Variants in RHOU observed in about 807,000 individuals in gnomAD.
RHOU encodes the protein rho-related GTP-binding protein RhoU.
RHOU carries 8 observed loss-of-function variants against 12.6 expected under a neutral mutation model. That is an observed-to-expected ratio of 0.64 (90% CI 0.37 to 1.15). The LOEUF (loss-of-function observed/expected upper bound fraction) is 1.15. Among genes scored for constraint, RHOU ranks in the 50% most tolerant of loss-of-function variants. The pLI is 0.01. For synonymous variants in RHOU, 161 were observed against 147.4 expected (o/e 1.09, Z -0.67); for missense variants, 258 against 347.0 (o/e 0.74, Z 2.04).
At chr1:228,729,425 G>C in the RHOU span, among the ~76,000 whole-genome samples, 16 of 152,010 alleles carry the variant, frequency 1.1e-4, no homozygotes, top group African/African-American at 3.6e-4. Flanking sequence ...GCCATTATAC[G>C]CATTTGTTCA....
In RHOU at chr1:228,743,674, C is replaced by T. The variant is rs1290117517; in HGVS notation, c.711C>T (p.Ser237=). 6.2e-7 allele frequency: 1 copy of T among 1,614,078 alleles called. No individual in the cohort carries two copies. The highest frequency in any genetic ancestry group is 1.1e-5 in the South Asian group (1 of 91,080). The part of the protein sequence containing the change: ...DTQQQPKKSK[S]RTPDKMKNLS... ...AGCAACAGCCAAAGAAGTCTAAAAG[C>T]AGGACTCCAGATAAAATGAAAAACC... The change falls in exon 3 of 3, where the codon AGC becomes AGT. Residue 237 remains serine (S), a synonymous_variant. Coordinates refer to ENST00000366691, the MANE Select transcript of RHOU (RefSeq NM_021205.6). The surrounding 1 kb of genome is among the most constrained non-coding windows in gnomAD (Gnocchi z 5.1).
chr1:228,743,333 T>G lies in RHOU; in HGVS notation c.370T>G (p.Phe124Val). 3.1e-6 allele frequency: 5 copies of G among 1,614,220 alleles called. No individual in the cohort carries two copies. Among genetic ancestry groups the G allele is most frequent in the Non-Finnish European group, 4.2e-6 (5 of 1,180,040 alleles). ...RPLCYTNTDI[F>V]LLCFSVVSPS... ...TCTCTGCTACACCAACACAGACATC[T>G]TCCTGCTCTGCTTCAGTGTCGTGAG... is the stretch of plus-strand genomic sequence containing the variant. The change falls in exon 3 of 3, where the codon TTC (phenylalanine) becomes GTC (valine). Residue 124 changes from phenylalanine to valine, a missense_variant. Transcript: ENST00000366691. This position sits in a 1 kb window ranked among gnomAD's most constrained non-coding sequence, Gnocchi z 5.1.
chr1:228,647,187 C>A, the RHOU span, among the ~76,000 whole-genome samples: 2 of 152,150 alleles, frequency 1.3e-5, no homozygotes, highest in Non-Finnish European at 2.9e-5. Flanking sequence ...GCGAGAGGAC[C>A]AACGGAGCGC....
intron 2 of RHOU, among the ~76,000 whole-genome samples, chr1:228,740,956 G>A (rs1662707952): frequency 1.3e-5 from 2 of 152,074 alleles, no homozygotes; most frequent in African/African-American, 4.8e-5. Flanking sequence ...AGACAGACTG[G>A]AGGCTTGAAA....
At chr1:228,676,318 G>A in the RHOU span, among the ~76,000 whole-genome samples, 1 of 151,978 alleles carries the variant, frequency 6.6e-6, no homozygotes, top group Non-Finnish European at 1.5e-5. Context: ...AATTTAAAGG[G>A]GTTCACATTC....
the RHOU span, among the ~76,000 whole-genome samples, chr1:228,727,580 C>A: frequency 6.6e-6 from 1 of 152,204 alleles, no homozygotes; most frequent in Non-Finnish European, 1.5e-5. Context: ...TCCATACATT[C>A]ATTCTGAGTC....
At chr1:228,719,167 T>C in the RHOU span, among the ~76,000 whole-genome samples, 1 of 152,174 alleles carries the variant, frequency 6.6e-6, no homozygotes, top group Non-Finnish European at 1.5e-5. Flanking sequence ...TAGAAAAACA[T>C]CCTTCTATAT....
chr1:228,702,224 A>C, the RHOU span, among the ~76,000 whole-genome samples: 1 of 152,200 alleles, frequency 6.6e-6, no homozygotes, highest in Non-Finnish European at 1.5e-5. Context: ...ATTACTGAAA[A>C]GAATATTAAT....
At chr1:228,721,382 C>T in the RHOU span, among the ~76,000 whole-genome samples, 3 of 152,118 alleles carry the variant, frequency 2.0e-5, no homozygotes, top group Admixed American at 6.5e-5. Context: ...TTAGAGGACT[C>T]GAGAATATTT....
upstream of RHOU, among the ~76,000 whole-genome samples, chr1:228,730,898 A>G (rs1662482327): frequency 6.6e-6 from 1 of 152,218 alleles, no homozygotes; most frequent in Non-Finnish European, 1.5e-5. Flanking sequence ...TGATGATGAC[A>G]ATGACACCTG....
the RHOU span, among the ~76,000 whole-genome samples, chr1:228,646,466 C>G: frequency 1.4e-5 from 1 of 71,456 alleles, no homozygotes; most frequent in African/African-American, 6.1e-5. Context: ...GAGGCCCCCT[C>G]TTGCCCCACC....
At position 228,743,218 on chromosome 1, in the gene RHOU, G is replaced by C; in HGVS notation, c.322-67G>C. On this transcript the variant is annotated intron_variant, in intron 2 of 2. Transcript: ENST00000366691. The surrounding 1 kb of genome is among the most constrained non-coding windows in gnomAD (Gnocchi z 5.1). ...TGCCAGACCCTTTCATGAAAAATGTGAAGGTGATCTTTTTACTGATGAGAA... is the reference window on the plus strand; with the variant it reads ...TGCCAGACCCTTTCATGAAAAATGTCAAGGTGATCTTTTTACTGATGAGAA... 1 of 1,400,790 alleles carries C rather than the reference G, an allele frequency of 7.1e-7. No individual in the cohort carries two copies. Among genetic ancestry groups the C allele is most frequent in the Non-Finnish European group, 1.0e-6 (1 of 996,538 alleles). 86.8% of individuals were successfully genotyped at this position (1,400,790 alleles called of 1,614,324 possible).
the RHOU span, among the ~76,000 whole-genome samples, chr1:228,683,110 T>C: frequency 0.011 from 1,617 of 152,242 alleles, 28 homozygotes; most frequent in African/African-American, 0.037. Flanking sequence ...ATTGCCACCC[T>C]TGGGATCTGG....
At chr1:228,674,356 T>C in the RHOU span, among the ~76,000 whole-genome samples, 2 of 151,452 alleles carry the variant, frequency 1.3e-5, no homozygotes, top group Non-Finnish European at 2.9e-5. Context: ...CTTTTTTTTT[T>C]TTTTTTTGAG....
the RHOU span, among the ~76,000 whole-genome samples, chr1:228,647,625 C>T: frequency 6.6e-6 from 1 of 152,188 alleles, no homozygotes; most frequent in South Asian, 2.1e-4. Context: ...AATTGAATTG[C>T]CTGGTGGATC....
chr1:228,698,177 A>T, the RHOU span, among the ~76,000 whole-genome samples: 2 of 152,236 alleles, frequency 1.3e-5, no homozygotes, highest in African/African-American at 2.4e-5. Flanking sequence ...GAATGGTTGT[A>T]TGAAAACATT....
the RHOU span, among the ~76,000 whole-genome samples, chr1:228,693,584 A>G: frequency 5.9e-5 from 9 of 152,200 alleles, no homozygotes; most frequent in African/African-American, 2.2e-4. Context: ...CTTCTGCCTC[A>G]GTCTCCCGAG....
chr1:228,692,694 CAA>C, the RHOU span, among the ~76,000 whole-genome samples: 1 of 152,034 alleles, frequency 6.6e-6, no homozygotes, highest in Non-Finnish European at 1.5e-5. Flanking sequence ...CTTGGCCTCC[CAA>C]AGTGTTGGGA....
chr1:228,661,167 T>C, the RHOU span, among the ~76,000 whole-genome samples: 8 of 152,028 alleles, frequency 5.3e-5, no homozygotes, highest in Non-Finnish European at 1.2e-4. Context: ...TACAAACTAC[T>C]GCTCAACAAA....
Sources: allele counts gnomAD v4.1 joint callset (sites outside exome capture counted in the v4.1 genomes callset), GRCh38; gene constraint gnomAD v4.1.1; non-coding constraint Gnocchi (gnomAD v3.1); transcripts MANE v1.5; gene names NCBI Gene and HGNC (gene_info 2026-07-23, HGNC 2026-07-21).